NOL4: variants seen among roughly 807,000 people sequenced by gnomAD.
The protein encoded by NOL4 is nucleolar protein 4.
In NOL4, 17 loss-of-function variants were observed where a neutral mutation model predicts 75.9. That is an observed-to-expected ratio of 0.22 (90% CI 0.15 to 0.34). The LOEUF (loss-of-function observed/expected upper bound fraction) is 0.34. NOL4 is among the 10% of genes least tolerant of loss of function. NOL4 has a pLI of 1.00. For missense variants in NOL4, 614 were observed against 793.5 expected (o/e 0.77, Z 2.72); for synonymous variants, 292 against 289.9 (o/e 1.01, Z -0.07).
At chr18:34,052,434 T>A (rs2076663423) in intron 5 of NOL4, among the ~76,000 whole-genome samples, 1 of 152,084 alleles carries the variant, frequency 6.6e-6, no homozygotes, top group Admixed American at 6.6e-5. Context: ...TTAACTCTTT[T>A]TTAAAAAGCT....
At position 34,128,918 on chromosome 18, in the gene NOL4, T is replaced by C. The variant is rs753826354; in HGVS notation, c.414+953A>G. The C allele has an allele frequency of 6.5e-6, 6 of 921,706 alleles. No homozygotes were observed. In the African/African-American group the frequency reaches 1.1e-4, roughly 16 times the overall value. The allele number at this position is 921,706 out of a possible 1,614,324, so 57.1% of individuals were successfully genotyped here. On this transcript the variant is annotated intron_variant, in intron 2 of 10. Transcript: ENST00000261592. Reference sequence around the variant, plus strand: ...AAAAAAAAATGGATCCAGACTGATATTGTATATCAATATAGCTGAAAACAG... The same window carrying C: ...AAAAAAAAATGGATCCAGACTGATACTGTATATCAATATAGCTGAAAACAG...
intron 5 of NOL4, among the ~76,000 whole-genome samples, chr18:34,049,382 T>A (rs1600395418): frequency 6.6e-6 from 1 of 152,138 alleles, no homozygotes; most frequent in South Asian, 2.1e-4. Context: ...CAGTTAAATT[T>A]TCTGGAAAAT....
intron 6 of NOL4, among the ~76,000 whole-genome samples, chr18:33,965,364 A>G (rs966195065): frequency 2.6e-5 from 4 of 152,102 alleles, no homozygotes; most frequent in African/African-American, 9.7e-5. Flanking sequence ...GCATGGTGGC[A>G]TGCATCCCTA....
At chr18:33,917,532 G>C (rs141683769) in intron 9 of NOL4, among the ~76,000 whole-genome samples, 4 of 152,182 alleles carry the variant, frequency 2.6e-5, no homozygotes, top group Non-Finnish European at 5.9e-5. Flanking sequence ...GGGTCTCACT[G>C]TTGCCCTTGT....
At chr18:34,222,887 C>A (rs1175258550) in intron 1 of NOL4, 103 bp downstream of exon 1, 4 of 1,476,674 alleles carry the variant, frequency 2.7e-6, no homozygotes, top group African/African-American at 1.4e-5. Context: ...GGCACACGAG[C>A]CAACGGCGGC....
intron 1 of NOL4, among the ~76,000 whole-genome samples, chr18:34,174,355 A>T (rs1486671390): frequency 6.6e-6 from 1 of 152,070 alleles, no homozygotes; most frequent in Non-Finnish European, 1.5e-5. Context: ...CTTTTCAAAA[A>T]CTCTTAATTT....
intron 5 of NOL4, among the ~76,000 whole-genome samples, chr18:34,081,623 G>T (rs558404383): frequency 1.3e-5 from 2 of 152,224 alleles, no homozygotes; most frequent in Non-Finnish European, 2.9e-5. Context: ...TGACATGAGT[G>T]GATGGTCATG....
intron 9 of NOL4, among the ~76,000 whole-genome samples, chr18:33,926,887 C>T (rs1039044685): frequency 7.2e-5 from 11 of 152,126 alleles, no homozygotes; most frequent in South Asian, 4.1e-4. Context: ...TGTGAGCCAC[C>T]GGGCCTGGCC....
rs755568281 is a variant in NOL4, at chr18:33,943,198, A to T, written c.1429-20T>A. On this transcript the variant is annotated intron_variant, in intron 8 of 10. Transcript: ENST00000261592. ...TCGAGACTAAAAAAAAAAAGAGAAA[A>T]GTATGAAAAAAATTATTAACAGTAT... 6.4e-7 allele frequency: 1 copy of T among 1,553,996 alleles called. No homozygotes were observed. Among genetic ancestry groups the T allele is most frequent in the South Asian group, 1.1e-5 (1 of 89,006 alleles).
Position 34,053,163 on chromosome 18 carries a change from T to A in NOL4, c.773-33562A>T, listed in dbSNP as rs527770276. ...GAAAAAATGGATTTCAGATTGAAGA[T>A]GGTAGCAATGATGTAAGTAGTCAAG... On this transcript the variant is annotated intron_variant, in intron 5 of 10. Coordinates refer to ENST00000261592, the MANE Select transcript of NOL4 (RefSeq NM_003787.5). Among the ~76,000 whole-genome samples, 26 of 152,128 alleles carry A rather than the reference T, an allele frequency of 1.7e-4. 1 individual carries two copies. The highest frequency in any genetic ancestry group is 1.4e-3 in the East Asian group (7 of 5,174).
chr18:34,033,226 C>T (rs1462332425), intron 5 of NOL4, among the ~76,000 whole-genome samples: 1 of 151,850 alleles, frequency 6.6e-6, no homozygotes, highest in Non-Finnish European at 1.5e-5. Flanking sequence ...TTCATGAAAT[C>T]CCAGAATAAG....
At chr18:34,055,898 T>C (rs1055255816) in intron 5 of NOL4, among the ~76,000 whole-genome samples, 2 of 152,084 alleles carry the variant, frequency 1.3e-5, no homozygotes, top group African/African-American at 4.8e-5. Context: ...CTATTAAGTC[T>C]CTCTAAATAA....
intron 5 of NOL4, among the ~76,000 whole-genome samples, chr18:34,079,340 T>C (rs2077891696): frequency 6.6e-6 from 1 of 152,004 alleles, no homozygotes; most frequent in Non-Finnish European, 1.5e-5. Context: ...AGGACTTCTG[T>C]GTCCTGAATC....
At chr18:33,882,928 A>T (rs373433340) in intron 10 of NOL4, among the ~76,000 whole-genome samples, 6 of 151,344 alleles carry the variant, frequency 4.0e-5, no homozygotes, top group East Asian at 3.9e-4. Context: ...AAATTGGAAA[A>T]CATCATTCTC....
At chr18:33,964,019 C>CT in intron 6 of NOL4, among the ~76,000 whole-genome samples, 1 of 152,230 alleles carries the variant, frequency 6.6e-6, no homozygotes, top group Non-Finnish European at 1.5e-5. Flanking sequence ...GAATTCAGTG[C>CT]CAGGTGTCTA....
intron 1 of NOL4, among the ~76,000 whole-genome samples, chr18:34,190,058 A>G (rs1254607738): frequency 7.1e-6 from 1 of 141,520 alleles, no homozygotes. Context: ...TACTTATTTT[A>G]TATCTACATA....
intron 5 of NOL4, among the ~76,000 whole-genome samples, chr18:34,037,210 C>T (rs1177694920): frequency 1.3e-5 from 2 of 151,872 alleles, no homozygotes; most frequent in Admixed American, 1.3e-4. Context: ...TAAACTTAAC[C>T]AAGGAAGTGA....
At chr18:34,067,872 G>C (rs546149143) in intron 5 of NOL4, among the ~76,000 whole-genome samples, 24 of 152,122 alleles carry the variant, frequency 1.6e-4, no homozygotes, top group African/African-American at 5.5e-4. Flanking sequence ...GCCTGGTTTG[G>C]GGGGTGGGTC....
intron 6 of NOL4, among the ~76,000 whole-genome samples, chr18:33,978,367 A>G (rs1229959771): frequency 6.6e-6 from 1 of 152,168 alleles, no homozygotes; most frequent in Admixed American, 6.6e-5. Flanking sequence ...TTGGGTGTCA[A>G]GAGAAAGAGC....
Sources: allele counts gnomAD v4.1 joint callset (sites outside exome capture counted in the v4.1 genomes callset), GRCh38; gene constraint gnomAD v4.1.1; transcripts MANE v1.5; gene names NCBI Gene and HGNC (gene_info 2026-07-23, HGNC 2026-07-21).